Variants in KCNMA1 observed in about 807,000 individuals in gnomAD.
KCNMA1 encodes Calcium-activated potassium channel subunit alpha-1.
Under a neutral mutation model 140.0 loss-of-function variants are expected in KCNMA1, and 29 were observed. The ratio of observed to expected loss-of-function variants is 0.21; its 90% confidence interval spans 0.15 to 0.28. The LOEUF is 0.28. Ranked by LOEUF, KCNMA1 falls within the 10% of genes least tolerant of loss-of-function variation. KCNMA1 has a pLI of 1.00. For synonymous variants in KCNMA1, 612 were observed against 611.9 expected (o/e 1.00, Z 0.00); for missense variants, 880 against 1,602.2 (o/e 0.55, Z 7.70).
At chr10:77,088,960 T>C (rs77831549) in intron 10 of KCNMA1, among the ~76,000 whole-genome samples, 1 of 152,222 alleles carries the variant, frequency 6.6e-6, no homozygotes, top group African/African-American at 2.4e-5. Flanking sequence ...AATGGTTGCA[T>C]GTGTGTTCAT....
chr10:76,906,662 G>A (rs544518108), intron 25 of KCNMA1, among the ~76,000 whole-genome samples: 1 of 152,312 alleles, frequency 6.6e-6, no homozygotes, highest in African/African-American at 2.4e-5. Context: ...ATGAGTGAAT[G>A]CCTGCAATGA....
At chr10:77,526,561 T>C (rs770729082) in intron 1 of KCNMA1, among the ~76,000 whole-genome samples, 3 of 152,242 alleles carry the variant, frequency 2.0e-5, no homozygotes, top group Non-Finnish European at 4.4e-5. Flanking sequence ...CAAATGTTAG[T>C]GGCCCGATCA....
intron 2 of KCNMA1, among the ~76,000 whole-genome samples, chr10:77,374,272 C>T (rs1317129099): frequency 6.6e-6 from 1 of 152,078 alleles, no homozygotes; most frequent in African/African-American, 2.4e-5. Context: ...ACATGTGGGC[C>T]TGAGCTAATT....
chr10:77,239,354 G>A (rs1376732831), intron 3 of KCNMA1, among the ~76,000 whole-genome samples: 1 of 152,180 alleles, frequency 6.6e-6, no homozygotes, highest in Non-Finnish European at 1.5e-5. Context: ...CTGGGCCATG[G>A]GTTCATTTTC....
intron 9 of KCNMA1, among the ~76,000 whole-genome samples, chr10:77,107,218 TTAAGAGTTCA>T (rs1383981472): frequency 6.6e-6 from 1 of 152,126 alleles, no homozygotes; most frequent in African/African-American, 2.4e-5. Flanking sequence ...AAGAAGCTCT[TTAAGAGTTCA>T]TTTGAAACAG....
chr10:77,408,805 C>A (rs2096554428), intron 1 of KCNMA1, among the ~76,000 whole-genome samples: 1 of 152,182 alleles, frequency 6.6e-6, no homozygotes, highest in African/African-American at 2.4e-5. Context: ...AGGGATTCGG[C>A]CTTGCACTGG....
At chr10:76,869,866 G>A (rs968616668) in exon 28 of KCNMA1, 1 of 152,572 alleles carries the variant, frequency 6.6e-6, no homozygotes, top group Non-Finnish European at 1.5e-5. Flanking sequence ...TTTCCTCAAT[G>A]AACATGTAGG....
At chr10:77,461,448 G>A (rs1221714946) in intron 1 of KCNMA1, among the ~76,000 whole-genome samples, 1 of 152,156 alleles carries the variant, frequency 6.6e-6, no homozygotes, top group East Asian at 1.9e-4. Context: ...GAGAAGCCAA[G>A]CGACTTATTC....
chr10:77,017,162 T>C (rs1439811444), intron 17 of KCNMA1, among the ~76,000 whole-genome samples: 1 of 152,236 alleles, frequency 6.6e-6, no homozygotes, highest in African/African-American at 2.4e-5. Flanking sequence ...GACGGCCTGA[T>C]ATTTGTGACA....
At chr10:77,109,058 T>TAA (rs71477068) in intron 8 of KCNMA1, among the ~76,000 whole-genome samples, 33 of 142,838 alleles carry the variant, frequency 2.3e-4, no homozygotes, top group Admixed American at 4.9e-4. Flanking sequence ...ATTTTTCTAT[T>TAA]AAAAAAAAAA....
chr10:77,323,547 C>T (rs980816008), intron 2 of KCNMA1, among the ~76,000 whole-genome samples: 3 of 152,222 alleles, frequency 2.0e-5, no homozygotes, highest in Non-Finnish European at 4.4e-5. Context: ...CCCAACTGTG[C>T]TCAGGCCCAT....
intron 1 of KCNMA1, among the ~76,000 whole-genome samples, chr10:77,597,510 A>G (rs1422944033): frequency 6.6e-6 from 1 of 152,230 alleles, no homozygotes; most frequent in Non-Finnish European, 1.5e-5. Context: ...GTATCAATAA[A>G]TAATAATAAA....
intron 5 of KCNMA1, among the ~76,000 whole-genome samples, chr10:77,122,070 G>A (rs551914037): frequency 6.4e-4 from 97 of 152,352 alleles, no homozygotes; most frequent in Non-Finnish European, 1.1e-3. Flanking sequence ...ACGCCCGTGG[G>A]TGGGGCTTTG....
At chr10:77,375,465 G>C (rs532801431) in intron 2 of KCNMA1, among the ~76,000 whole-genome samples, 1 of 152,362 alleles carries the variant, frequency 6.6e-6, no homozygotes, top group Admixed American at 6.5e-5. Flanking sequence ...TCACGCGGCT[G>C]TTAATGACCT....
intron 17 of KCNMA1, chr10:77,012,626 CA>C: frequency 7.7e-7 from 1 of 1,300,418 alleles, no homozygotes; most frequent in Non-Finnish European, 1.1e-6. Context: ...TGGAGTTTCA[CA>C]GCTTATTTTA....
chr10:77,468,338 CTG>C (rs1187662894), intron 1 of KCNMA1, among the ~76,000 whole-genome samples: 1 of 152,208 alleles, frequency 6.6e-6, no homozygotes, highest in African/African-American at 2.4e-5. Flanking sequence ...CTTAGCCCCT[CTG>C]TGCCTATTAA....
At chr10:77,359,650 C>A (rs1456838432) in intron 2 of KCNMA1, among the ~76,000 whole-genome samples, 1 of 152,126 alleles carries the variant, frequency 6.6e-6, no homozygotes, top group Non-Finnish European at 1.5e-5. Context: ...ACCAGATGAA[C>A]CACTCATTCA....
At position 76,891,623 on chromosome 10, in the gene KCNMA1, G is replaced by A; in HGVS notation, c.3244C>T (p.Leu1082Phe). 1 of 1,614,060 alleles carries A rather than the reference G, an allele frequency of 6.2e-7. No individual in the cohort carries two copies. The highest frequency in any genetic ancestry group is 8.5e-7 in the Non-Finnish European group (1 of 1,180,000). Residue 1082 changes from leucine (L) to phenylalanine (F), a missense_variant, in exon 26 of 28, where the codon CTT (leucine) becomes TTT (phenylalanine). Leu to Phe is a conservative substitution (Grantham distance 22). This residue lies in a region of KCNMA1 where 31 missense variants were observed against 38.8 expected (regional missense o/e 0.80). Transcript: ENST00000286628. ...TGCGGGGTGCTGTAGCCACCTCTAA[G>A]GGCGTTTTCCTCAGCAATCAGAGCC... ...LEALIAEENA[L>F]RGGYSTPQTL...
At chr10:76,874,232 T>A (rs1318688685), downstream of KCNMA1, 1 of 152,198 alleles carries the variant, frequency 6.6e-6, no homozygotes, top group Non-Finnish European at 1.5e-5. Flanking sequence ...CTACCTATTC[T>A]ATGTCCAGAG....
Sources: gnomAD v4.1 joint callset for allele counts (sites outside exome capture counted in the v4.1 genomes callset) on GRCh38, gnomAD v4.1.1 for gene constraint, gnomAD v4.1.1 regional missense constraint, MANE v1.5 for transcripts, NCBI Gene and HGNC (gene_info 2026-07-23, HGNC 2026-07-21) for gene names.